LURAP1L: variants seen among roughly 807,000 people sequenced by gnomAD.
The protein encoded by LURAP1L is leucine rich adaptor protein 1-like.
LURAP1L carries 12 observed loss-of-function variants against 13.8 expected under a neutral mutation model. The observed-to-expected ratio is 0.87, with a 90% CI of 0.56 to 1.41. LURAP1L has a LOEUF of 1.41. Among genes scored for constraint, LURAP1L ranks in the 40% most tolerant of loss-of-function variants. The probability of loss-of-function intolerance (pLI) is 0.00; values close to 1 mark genes in which losing one functional copy is unlikely to be tolerated. For missense variants in LURAP1L, 375 were observed against 292.9 expected (o/e 1.28, Z -2.04); for synonymous variants, 139 against 119.2 (o/e 1.17, Z -1.08).
chr9:12,821,302 T>A, intron 1 of LURAP1L, 84 bp from the exon 2 acceptor site: 1 of 1,430,178 alleles, frequency 7.0e-7, no homozygotes, highest in Non-Finnish European at 9.4e-7. Context: ...AATTCTGAAC[T>A]GCAGCAGACA....
chr9:12,802,448 C>A (rs919785892), intron 1 of LURAP1L, among the ~76,000 whole-genome samples: 2 of 152,148 alleles, frequency 1.3e-5, no homozygotes, highest in Admixed American at 1.3e-4. Flanking sequence ...CCCCCACTCT[C>A]TTCCTTCTGC....
intron 1 of LURAP1L, among the ~76,000 whole-genome samples, chr9:12,791,337 C>T (rs1317860962): frequency 6.6e-6 from 1 of 151,988 alleles, no homozygotes; most frequent in Non-Finnish European, 1.5e-5. Flanking sequence ...GTGTGGGTTT[C>T]CCCCTAAAAT....
Position 12,821,609 on chromosome 9 carries a change from T to G in LURAP1L, c.536T>G (p.Val179Gly). 6.2e-7 allele frequency: 1 copy of G among 1,614,122 alleles called. No homozygotes were observed. The highest frequency in any genetic ancestry group is 8.5e-7 in the Non-Finnish European group (1 of 1,180,022). Reference sequence around the variant, plus strand: ...AGTGATGGGCTGGATGGCATTTCCGTGGGAAGTTATCTGGACACGTTGGCG... The same window carrying G: ...AGTGATGGGCTGGATGGCATTTCCGGGGGAAGTTATCTGGACACGTTGGCG... ...DGSDGLDGIS[V>G]GSYLDTLADD... Residue 179 changes from valine (V) to glycine (G), a missense_variant, in exon 2 of 2, where the codon GTG becomes GGG. Coordinates refer to ENST00000319264, the MANE Select transcript of LURAP1L (RefSeq NM_203403.2).
chr9:12,806,574 G>T (rs1472185821), intron 1 of LURAP1L, among the ~76,000 whole-genome samples: 1 of 152,030 alleles, frequency 6.6e-6, no homozygotes, highest in Non-Finnish European at 1.5e-5. Context: ...TCATGGAAGA[G>T]ACATTCAAAC....
chr9:12,804,034 C>T (rs546088776), intron 1 of LURAP1L, among the ~76,000 whole-genome samples: 10 of 152,272 alleles, frequency 6.6e-5, no homozygotes, highest in Admixed American at 2.6e-4. Flanking sequence ...TTGTGATTCA[C>T]ACTGAAAAGA....
At chr9:12,807,201 G>A (rs1429730544) in intron 1 of LURAP1L, among the ~76,000 whole-genome samples, 1 of 132,934 alleles carries the variant, frequency 7.5e-6, no homozygotes, top group African/African-American at 2.8e-5. Context: ...GGGAGGCGCA[G>A]CTTGCAGTGA....
At chr9:12,805,523 TCTC>T (rs1819645127) in intron 1 of LURAP1L, among the ~76,000 whole-genome samples, 1 of 152,176 alleles carries the variant, frequency 6.6e-6, no homozygotes, top group African/African-American at 2.4e-5. Flanking sequence ...CAATGGTTAT[TCTC>T]CTTTTCAGTG....
chr9:12,795,187 G>A (rs1365002235), intron 1 of LURAP1L, among the ~76,000 whole-genome samples: 1 of 151,750 alleles, frequency 6.6e-6, no homozygotes, highest in South Asian at 2.1e-4. Context: ...TGTTGCTTTT[G>A]CCTGGATCTT....
intron 1 of LURAP1L, among the ~76,000 whole-genome samples, chr9:12,809,188 C>G (rs1455749245): frequency 6.6e-6 from 1 of 152,156 alleles, no homozygotes; most frequent in Non-Finnish European, 1.5e-5. Context: ...GAAACACCTC[C>G]TACCAGGCCC....
chr9:12,781,399 C>T (rs1444719158), intron 1 of LURAP1L, among the ~76,000 whole-genome samples: 1 of 152,162 alleles, frequency 6.6e-6, no homozygotes, highest in Non-Finnish European at 1.5e-5. Flanking sequence ...TCCACTTCCC[C>T]CCAGCTCGCT....
chr9:12,796,866 G>C (rs932341000), intron 1 of LURAP1L, among the ~76,000 whole-genome samples: 1 of 138,872 alleles, frequency 7.2e-6, no homozygotes, highest in Non-Finnish European at 1.5e-5. Flanking sequence ...GCTTGGGTAA[G>C]TTATCTTCAA....
chr9:12,810,635 T>C (rs1819723947), intron 1 of LURAP1L, among the ~76,000 whole-genome samples: 2 of 152,192 alleles, frequency 1.3e-5, no homozygotes, highest in Admixed American at 6.5e-5. Flanking sequence ...ACAGGGTACA[T>C]AGGAAGCATT....
intron 1 of LURAP1L, among the ~76,000 whole-genome samples, chr9:12,797,710 G>T (rs559172427): frequency 1.3e-5 from 2 of 152,094 alleles, no homozygotes; most frequent in South Asian, 4.2e-4. Flanking sequence ...TTTTATTTAA[G>T]AATTACATAC....
rs112671670 is a variant in LURAP1L at position 12,815,836 on chromosome 9, C to T, written c.313-5550C>T. Reference sequence around the variant, plus strand: ...ATAGACATATTAAAGATGATATGCACGTTTGTCTTGGAGTGGAATACAAAA... The same window carrying T: ...ATAGACATATTAAAGATGATATGCATGTTTGTCTTGGAGTGGAATACAAAA... On this transcript the variant is annotated intron_variant, in intron 1 of 1. Coordinates refer to ENST00000319264, the MANE Select transcript of LURAP1L (RefSeq NM_203403.2). 5.3e-5 allele frequency among the ~76,000 whole-genome samples: 8 copies of T among 152,188 alleles called. 1 individual carries two copies. The highest frequency in any genetic ancestry group is 2.1e-4 in the South Asian group (1 of 4,824).
At chr9:12,780,424 C>T (rs1819254002) in intron 1 of LURAP1L, among the ~76,000 whole-genome samples, 1 of 151,790 alleles carries the variant, frequency 6.6e-6, no homozygotes, top group African/African-American at 2.4e-5. Flanking sequence ...CTAAATTAAA[C>T]CTGAATTATT....
intron 1 of LURAP1L, among the ~76,000 whole-genome samples, chr9:12,799,790 C>T (rs1181007054): frequency 6.7e-6 from 1 of 148,436 alleles, no homozygotes; most frequent in Admixed American, 6.8e-5. Flanking sequence ...AGGAGAATGG[C>T]GTGAACCTGG....
At chr9:12,806,192 T>C (rs949350304) in intron 1 of LURAP1L, among the ~76,000 whole-genome samples, 6 of 152,198 alleles carry the variant, frequency 3.9e-5, no homozygotes, top group South Asian at 2.1e-4. Flanking sequence ...TTGTCAAAGA[T>C]TGATTTAGCT....
At position 12,812,089 on chromosome 9, in the gene LURAP1L, G is replaced by A. The variant is rs762299590; in HGVS notation, c.313-9297G>A. On this transcript the variant is annotated intron_variant, in intron 1 of 1. Coordinates refer to ENST00000319264, the MANE Select transcript of LURAP1L (RefSeq NM_203403.2). Reference sequence around the variant, plus strand: ...CAAGCATTTGAGAGAGTGTGCCCAAGGCAGAAGCCACAATCTTTTTGTAAC... The same window carrying A: ...CAAGCATTTGAGAGAGTGTGCCCAAAGCAGAAGCCACAATCTTTTTGTAAC... Among the ~76,000 whole-genome samples, 284 of 152,260 alleles carry A rather than the reference G, an allele frequency of 1.9e-3. 2 individuals carry two copies. Among genetic ancestry groups the A allele is most frequent in the Non-Finnish European group, 1.9e-3 (126 of 68,026 alleles).
chr9:12,786,264 C>A (rs10960796), intron 1 of LURAP1L, among the ~76,000 whole-genome samples: 8,416 of 151,824 alleles, frequency 0.055, 344 homozygotes, highest in Admixed American at 0.097. Flanking sequence ...TTCTCCTATA[C>A]AAACCCCAAC....
Sources: gnomAD v4.1 joint callset for allele counts (sites outside exome capture counted in the v4.1 genomes callset) on GRCh38, gnomAD v4.1.1 for gene constraint, MANE v1.5 for transcripts, NCBI Gene and HGNC (gene_info 2026-07-23, HGNC 2026-07-21) for gene names.